The following FBRSL1 variants were observed in gnomAD, a reference collection of about 807,000 sequenced individuals.
FBRSL1 encodes the protein fibrosin like 1.
A neutral mutation model predicts 89.6 loss-of-function variants in FBRSL1; 51 were observed. The observed-to-expected ratio is 0.57, with a 90% CI of 0.45 to 0.72. The LOEUF is 0.72. Ranked by LOEUF, FBRSL1 falls within the 30% of genes least tolerant of loss-of-function variation. The pLI is 0.00. For missense variants in FBRSL1, 1,618 were observed against 1,451.8 expected, an observed-to-expected ratio of 1.11 and a Z score of -1.86; for synonymous variants, 779 against 681.1, an observed-to-expected ratio of 1.14 and a Z score of -2.24.
chr12:132,495,587 G>C (rs1054181412), intron 1 of FBRSL1, among the ~76,000 whole-genome samples: 3 of 152,228 alleles, frequency 2.0e-5, no homozygotes, highest in African/African-American at 7.2e-5. Flanking sequence ...CACAGAGAGG[G>C]GAAGTGCTTT....
rs1381408673 is a variant in FBRSL1, at chr12:132,563,944, C to T, written c.646-3537C>T. ...CACCCCTCCAGCTGACACATACCTA[C>T]GTCTGTACACCCACCCCCGTCGCCC... On this transcript the variant is annotated intron_variant, in intron 5 of 18. Coordinates refer to ENST00000680143, the MANE Select transcript of FBRSL1 (RefSeq NM_001367871.1). 2.0e-5 allele frequency among the ~76,000 whole-genome samples: 3 copies of T among 147,514 alleles called. No homozygotes were observed. The East Asian group carries it at 6.1e-4, about 30-fold the overall frequency.
intron 2 of FBRSL1, among the ~76,000 whole-genome samples, chr12:132,513,114 A>G (rs934513554): frequency 1.5e-4 from 23 of 152,338 alleles, no homozygotes; most frequent in Middle Eastern, 3.4e-3. Context: ...AAGAGCTGGG[A>G]ATCCAGGTTT....
At chr12:132,532,334 G>A (rs938695043) in intron 4 of FBRSL1, among the ~76,000 whole-genome samples, 5 of 152,182 alleles carry the variant, frequency 3.3e-5, no homozygotes, top group African/African-American at 9.7e-5. Context: ...GTGACTGGGA[G>A]CTGAGACCCT....
chr12:132,507,149 C>T (rs937185749), intron 1 of FBRSL1: 2 of 972,546 alleles, frequency 2.1e-6, no homozygotes, highest in East Asian at 2.3e-4. Context: ...GACACTGTGG[C>T]CCTCCGTGGG....
chr12:132,512,101 C>T, intron 2 of FBRSL1: 1 of 808,016 alleles, frequency 1.2e-6, no homozygotes, highest in East Asian at 1.3e-4. Flanking sequence ...ACCTTCCTGC[C>T]CACCCATCTG....
intron 2 of FBRSL1, among the ~76,000 whole-genome samples, chr12:132,512,574 C>G (rs1014267546): frequency 2.6e-5 from 4 of 152,224 alleles, no homozygotes; most frequent in African/African-American, 9.6e-5. Flanking sequence ...GCGTGGGGAA[C>G]AGTGATGATT....
At chr12:132,514,918 C>T (rs185910058) in intron 2 of FBRSL1, among the ~76,000 whole-genome samples, 4 of 152,262 alleles carry the variant, frequency 2.6e-5, no homozygotes, top group African/African-American at 4.8e-5. Flanking sequence ...ATTGTCACAT[C>T]TTTTTTACTC....
chr12:132,490,834 C>T lies in FBRSL1; in HGVS notation c.264C>T (p.Ala88=), dbSNP rs1389830153. The change falls in exon 1 of 19, where the codon GCC becomes GCT. Residue 88 remains alanine (A), a synonymous_variant. Coordinates refer to ENST00000680143, the MANE Select transcript of FBRSL1 (RefSeq NM_001367871.1). ...AGGTCATCGACGGCTTCGCCATCGC[C>T]AGCTTCAGCACCCTGGAGGCCCTGG... The part of the protein sequence containing the change: ...EEEVIDGFAI[A]SFSTLEALEK... The T allele has an allele frequency of 2.8e-6, 4 of 1,418,324 alleles. No individual in the cohort carries two copies. The highest frequency in any genetic ancestry group is 3.1e-5 in the East Asian group (1 of 31,914). 87.9% of individuals were successfully genotyped at this position (1,418,324 alleles called of 1,614,324 possible).
chr12:132,535,257 G>A, intron 4 of FBRSL1, among the ~76,000 whole-genome samples: 1 of 152,258 alleles, frequency 6.6e-6, no homozygotes, highest in South Asian at 2.1e-4. Context: ...AGAAAGGTCA[G>A]CCACGTGCTT....
chr12:132,530,166 G>T (rs1216250281), intron 4 of FBRSL1, among the ~76,000 whole-genome samples: 1 of 152,062 alleles, frequency 6.6e-6, no homozygotes, highest in Non-Finnish European at 1.5e-5. Flanking sequence ...CCATCATCAT[G>T]AGTTTGATGA....
At chr12:132,509,742 C>G (rs540926918) in intron 2 of FBRSL1, 3 of 1,231,416 alleles carry the variant, frequency 2.4e-6, no homozygotes, top group South Asian at 4.1e-5. Flanking sequence ...GTGGGCCAGC[C>G]CGTGTCACTG....
rs979335354 is a variant in FBRSL1 at position 132,574,155 on chromosome 12, T to C, written c.1596T>C (p.Pro532=). The change falls in exon 12 of 19, where the codon CCT becomes CCC. Residue 532 remains proline (P), a synonymous_variant. Transcript: ENST00000680143. ...GAVHTLLQKA[P]GVSDPYRAVV... ...TTCACACACTCCTGCAGAAAGCGCC[T>C]GGGGTAGGTGTTAGTGGGCGCCCGT... The C allele has an allele frequency of 1.4e-5, 20 of 1,416,608 alleles. No individual in the cohort carries two copies. The highest frequency in any genetic ancestry group is 2.9e-5 in the African/African-American group (2 of 68,738). The allele number at this position is 1,416,608 out of a possible 1,614,324, so 87.8% of individuals were successfully genotyped here.
At chr12:132,529,665 A>ACCCTGGGCTCGGCTCTGCAC (rs1566149546) in intron 4 of FBRSL1, among the ~76,000 whole-genome samples, 2 of 132,206 alleles carry the variant, frequency 1.5e-5, no homozygotes, top group African/African-American at 6.1e-5. Context: ...TGGCTCTGCC[A>ACCCTGGGCTCGGCTCTGCAC]CCCTGGGCTC....
At chr12:132,565,189 CGTT>C (rs1392303685) in intron 5 of FBRSL1, 2 of 152,314 alleles carry the variant, frequency 1.3e-5, no homozygotes, top group Admixed American at 6.5e-5. Context: ...TTATGTTTGT[CGTT>C]GTTGCATTTC....
intron 6 of FBRSL1, among the ~76,000 whole-genome samples, chr12:132,568,282 G>A (rs758300051): frequency 1.3e-5 from 2 of 152,246 alleles, no homozygotes; most frequent in African/African-American, 4.8e-5. Context: ...TTGCTGGGAC[G>A]GCTTCATCCG....
At chr12:132,529,357 G>A (rs113430346) in intron 4 of FBRSL1, among the ~76,000 whole-genome samples, 98 of 152,300 alleles carry the variant, frequency 6.4e-4, no homozygotes, top group African/African-American at 2.1e-3. Flanking sequence ...CATGGGCGGC[G>A]CGGCCACAGG....
chr12:132,548,171 G>A (rs1028878897), intron 5 of FBRSL1, 139 bp downstream of exon 5: 1 of 990,458 alleles, frequency 1.0e-6, no homozygotes, highest in Non-Finnish European at 1.5e-6. Context: ...GGTGCAGGGG[G>A]CTTGTGGCCT....
intron 2 of FBRSL1, among the ~76,000 whole-genome samples, chr12:132,521,968 AGG>A (rs1450978909): frequency 6.6e-6 from 1 of 151,874 alleles, no homozygotes; most frequent in Non-Finnish European, 1.5e-5. Context: ...GCATGGGGTG[AGG>A]TGTGTACAGG....
chr12:132,530,698 T>G (rs936680540), intron 4 of FBRSL1, among the ~76,000 whole-genome samples: 1 of 100,174 alleles, frequency 1.0e-5, no homozygotes, highest in South Asian at 3.6e-4. Flanking sequence ...GGCACACAAG[T>G]GACAGATGGC....
Sources: allele counts gnomAD v4.1 joint callset (sites outside exome capture counted in the v4.1 genomes callset), GRCh38; gene constraint gnomAD v4.1.1; transcripts MANE v1.5; gene names NCBI Gene and HGNC (gene_info 2026-07-23, HGNC 2026-07-21).